The following BRINP3 variants were observed in gnomAD, a reference collection of about 807,000 sequenced individuals.
BRINP3 encodes BMP/retinoic acid-inducible neural-specific protein 3.
Under a neutral mutation model 71.0 loss-of-function variants are expected in BRINP3, and 19 were observed. That is an observed-to-expected ratio of 0.27 (90% CI 0.19 to 0.39). The LOEUF is 0.39. BRINP3 is among the 10% of genes least tolerant of loss of function. The pLI is 1.00. For synonymous variants in BRINP3, 380 were observed against 337.7 expected (o/e 1.13, Z -1.37); for missense variants, 959 against 940.8 (o/e 1.02, Z -0.25).
At chr1:190,292,004 C>T (rs990997248) in intron 2 of BRINP3, among the ~76,000 whole-genome samples, 2 of 151,940 alleles carry the variant, frequency 1.3e-5, no homozygotes, top group African/African-American at 4.8e-5. Flanking sequence ...TATGGATGAA[C>T]CTGGAGGAGA....
intron 6 of BRINP3, among the ~76,000 whole-genome samples, chr1:190,180,174 T>G (rs1652904803): frequency 6.6e-6 from 1 of 152,058 alleles, no homozygotes; most frequent in African/African-American, 2.4e-5. Context: ...GCTGCCTACT[T>G]CAAAGGATCT....
chr1:190,360,996 G>A (rs867820752), intron 2 of BRINP3, among the ~76,000 whole-genome samples: 1 of 152,104 alleles, frequency 6.6e-6, no homozygotes, highest in African/African-American at 2.4e-5. Context: ...TGTTCAGTAT[G>A]TGGGAAGAGA....
chr1:190,123,830 G>T (rs1418813), intron 7 of BRINP3, among the ~76,000 whole-genome samples: 1 of 151,774 alleles, frequency 6.6e-6, no homozygotes, highest in African/African-American at 2.4e-5. Context: ...ATTGGTAAGC[G>T]CTCTCTTTTA....
chr1:190,227,354 C>T (rs1657489258), intron 5 of BRINP3, among the ~76,000 whole-genome samples: 1 of 151,490 alleles, frequency 6.6e-6, no homozygotes, highest in African/African-American at 2.4e-5. Flanking sequence ...ATTTCCTTTG[C>T]AAATTGTTGG....
intron 2 of BRINP3, among the ~76,000 whole-genome samples, chr1:190,322,762 A>C (rs1666328864): frequency 1.3e-5 from 2 of 152,104 alleles, no homozygotes; most frequent in Non-Finnish European, 2.9e-5. Flanking sequence ...TATAAATATT[A>C]AATTTTCTAA....
At chr1:190,154,913 A>T (rs558813051) in intron 7 of BRINP3, among the ~76,000 whole-genome samples, 14 of 152,202 alleles carry the variant, frequency 9.2e-5, no homozygotes, top group African/African-American at 3.4e-4. Flanking sequence ...ATCAAAACTT[A>T]AAAAAATGAG....
chr1:190,254,413 T>G, intron 4 of BRINP3, among the ~76,000 whole-genome samples: 1 of 152,176 alleles, frequency 6.6e-6, no homozygotes, highest in South Asian at 2.1e-4. Flanking sequence ...GAGCATGGAA[T>G]GTTCTTCCAT....
intron 6 of BRINP3, among the ~76,000 whole-genome samples, chr1:190,178,096 C>T (rs1652708599): frequency 6.6e-6 from 1 of 152,126 alleles, no homozygotes; most frequent in Admixed American, 6.6e-5. Flanking sequence ...TGGTACCTTT[C>T]AGGGTCCTGG....
At chr1:190,326,709 A>T (rs1558184265) in intron 2 of BRINP3, among the ~76,000 whole-genome samples, 1 of 152,140 alleles carries the variant, frequency 6.6e-6, no homozygotes, top group East Asian at 1.9e-4. Context: ...ACTAAGCTTC[A>T]TAAGCAAATA....
intron 4 of BRINP3, among the ~76,000 whole-genome samples, chr1:190,251,319 C>T (rs1005490297): frequency 1.3e-5 from 2 of 151,820 alleles, no homozygotes; most frequent in African/African-American, 4.8e-5. Context: ...GTTCTAAGCA[C>T]CTTAAAAATA....
chr1:190,109,409 C>T (rs1652475292), intron 7 of BRINP3, among the ~76,000 whole-genome samples: 1 of 152,184 alleles, frequency 6.6e-6, no homozygotes, highest in Non-Finnish European at 1.5e-5. Flanking sequence ...AGTTCTGAGT[C>T]ACAATCTCTC....
chr1:190,253,276 T>C (rs964656925), intron 4 of BRINP3, among the ~76,000 whole-genome samples: 1 of 152,216 alleles, frequency 6.6e-6, no homozygotes, highest in South Asian at 2.1e-4. Flanking sequence ...TTAAAATTCT[T>C]TGGGTATATA....
At chr1:190,340,366 A>C (rs1336596713) in intron 2 of BRINP3, among the ~76,000 whole-genome samples, 1 of 151,888 alleles carries the variant, frequency 6.6e-6, no homozygotes, top group Admixed American at 6.6e-5. Context: ...CCATCTCATA[A>C]TCAAATCTTT....
At chr1:190,157,093 G>C (rs1656936406) in intron 7 of BRINP3, among the ~76,000 whole-genome samples, 1 of 151,590 alleles carries the variant, frequency 6.6e-6, no homozygotes, top group Middle Eastern at 3.4e-3. Flanking sequence ...AGTATCCCAA[G>C]AGGATTGGTT....
chr1:190,461,805 T>G (rs1290861164), intron 1 of BRINP3, among the ~76,000 whole-genome samples: 1 of 152,138 alleles, frequency 6.6e-6, no homozygotes, highest in Non-Finnish European at 1.5e-5. Context: ...GAAAATAGCT[T>G]TGGCAGTTGA....
chr1:190,222,609 A>T (rs1268840434), intron 6 of BRINP3, among the ~76,000 whole-genome samples: 2 of 151,938 alleles, frequency 1.3e-5, no homozygotes, highest in African/African-American at 4.8e-5. Flanking sequence ...GAAAAGCTGC[A>T]TGTTTGAAAA....
chr1:190,225,928 C>A (rs550668747), intron 6 of BRINP3, among the ~76,000 whole-genome samples, 154 bp downstream of exon 6: 1 of 151,744 alleles, frequency 6.6e-6, no homozygotes, highest in South Asian at 2.1e-4. Flanking sequence ...TAGTTAATAA[C>A]CAGTAGTAAA....
At chr1:190,109,326 T>G (rs894395079) in intron 7 of BRINP3, among the ~76,000 whole-genome samples, 1 of 152,208 alleles carries the variant, frequency 6.6e-6, no homozygotes, top group African/African-American at 2.4e-5. Flanking sequence ...AAATCATACA[T>G]AATTATCAAG....
chr1:190,185,494 A>G (rs1474483743), intron 6 of BRINP3, among the ~76,000 whole-genome samples: 3 of 152,156 alleles, frequency 2.0e-5, no homozygotes, highest in African/African-American at 2.4e-5. Context: ...TTAAGAATAA[A>G]TTGAATCTCT....
Sources: gnomAD v4.1 joint callset for allele counts (sites outside exome capture counted in the v4.1 genomes callset) on GRCh38, gnomAD v4.1.1 for gene constraint, MANE v1.5 for transcripts, NCBI Gene and HGNC (gene_info 2026-07-23, HGNC 2026-07-21) for gene names.